The following DNAH10 variants were observed in gnomAD, a reference collection of about 807,000 sequenced individuals.
DNAH10 encodes the protein axonemal beta dynein heavy chain 10.
In DNAH10, 348 loss-of-function variants were observed where a neutral mutation model predicts 506.6. The ratio of observed to expected loss-of-function variants is 0.69; its 90% CI spans 0.63 to 0.75. The LOEUF is 0.75. Ranked by LOEUF, DNAH10 falls within the 30% of genes least tolerant of loss-of-function variation. DNAH10 has a pLI of 0.00. For missense variants in DNAH10, 5,179 were observed against 5,787.1 expected (o/e 0.89, Z 3.41); for synonymous variants, 2,059 against 2,198.6 (o/e 0.94, Z 1.78).
chr12:123,910,034 G>A (rs1953991773), intron 58 of DNAH10, among the ~76,000 whole-genome samples: 1 of 152,224 alleles, frequency 6.6e-6, no homozygotes, highest in Non-Finnish European at 1.5e-5. Context: ...TTAACGCTGT[G>A]TTTGATGGTT....
At chr12:123,772,312 A>G (rs1209623803) in intron 3 of DNAH10, among the ~76,000 whole-genome samples, 4 of 152,244 alleles carry the variant, frequency 2.6e-5, no homozygotes, top group Admixed American at 6.5e-5. Context: ...CCAAGGCTAC[A>G]GGTACACAAA....
At chr12:123,797,567 A>AT (rs1302564110) in intron 13 of DNAH10, among the ~76,000 whole-genome samples, 1 of 151,456 alleles carries the variant, frequency 6.6e-6, no homozygotes, top group South Asian at 2.1e-4. Context: ...CCATTTTTGT[A>AT]TTTTTTGTAG....
At position 123,926,250 on chromosome 12, in the gene DNAH10, A is replaced by G. The variant is rs1046058978; in HGVS notation, c.11922-387A>G. On this transcript the variant is annotated intron_variant, in intron 68 of 78. Transcript: ENST00000673944. This position sits in a 1 kb window ranked among gnomAD's most constrained non-coding sequence, Gnocchi z 4.1. ...TATATTTCAATTTAAAAAAAAAAAAAAAAAAGAAAAAGAAAAAACCCACAC... is the reference window on the plus strand; with the variant it reads ...TATATTTCAATTTAAAAAAAAAAAAGAAAAAGAAAAAGAAAAAACCCACAC... Among the ~76,000 whole-genome samples, 18 of 151,390 alleles carry G rather than the reference A, an allele frequency of 1.2e-4. No homozygotes were observed. Among genetic ancestry groups the G allele is most frequent in the African/African-American group, 1.5e-4 (6 of 41,276 alleles).
At chr12:123,889,283 G>A (rs1299485912) in intron 52 of DNAH10, among the ~76,000 whole-genome samples, 1 of 152,238 alleles carries the variant, frequency 6.6e-6, no homozygotes, top group East Asian at 1.9e-4. Context: ...TTCTTTTGAT[G>A]TAAAATTTAC....
intron 65 of DNAH10, 198 bp from the exon 66 acceptor site, chr12:123,923,565 A>G (rs2137603882): frequency 2.1e-6 from 1 of 485,292 alleles, no homozygotes; most frequent in East Asian, 3.6e-5. Context: ...GTCACTACAG[A>G]CTGGGGCATG....
chr12:123,856,462 G>A (rs551494783), intron 36 of DNAH10, among the ~76,000 whole-genome samples: 155 of 149,826 alleles, frequency 1.0e-3, no homozygotes, highest in African/African-American at 3.4e-3. Context: ...TCAGCCTCCC[G>A]AGTAGCTGGG....
intron 5 of DNAH10, among the ~76,000 whole-genome samples, chr12:123,776,820 C>T (rs1957458974): frequency 6.6e-6 from 1 of 152,114 alleles, no homozygotes; most frequent in South Asian, 2.1e-4. Flanking sequence ...TATTTCATAG[C>T]AATGAACAAC....
Position 123,935,540 on chromosome 12 carries a change from G to T in DNAH10, c.*59G>T. 1 of 1,486,342 alleles carries T rather than the reference G, an allele frequency of 6.7e-7. No individual in the cohort carries two copies. The highest frequency in any genetic ancestry group is 9.1e-7 in the Non-Finnish European group (1 of 1,093,540). The allele number at this position is 1,486,342 out of a possible 1,614,324, so 92.1% of individuals were successfully genotyped here. A position where few individuals can be genotyped will look rare whatever the true frequency, so the allele number is the denominator to read the frequency against. ...GAGCCTGGGGTTGTCAGAGTGATCGGGTCTGCTGTCATTTCTTGGGGCCTC... is the reference window on the plus strand; with the variant it reads ...GAGCCTGGGGTTGTCAGAGTGATCGTGTCTGCTGTCATTTCTTGGGGCCTC... On this transcript the variant is annotated 3_prime_UTR_variant, in exon 79 of 79. Transcript: ENST00000673944.
intron 13 of DNAH10, among the ~76,000 whole-genome samples, chr12:123,798,815 T>C (rs1432572178): frequency 6.7e-6 from 1 of 149,038 alleles, no homozygotes; most frequent in Non-Finnish European, 1.5e-5. Flanking sequence ...TATATAATTA[T>C]ATAAAAATGA....
chr12:123,784,755 T>A (rs1957787200), intron 8 of DNAH10, among the ~76,000 whole-genome samples: 1 of 152,196 alleles, frequency 6.6e-6, no homozygotes, highest in African/African-American at 2.4e-5. Context: ...TTACCCTAAG[T>A]CCCTGGTAAC....
Position 123,909,315 on chromosome 12 carries a change from C to G in DNAH10, c.9870C>G (p.Ile3290Met). 1 of 1,613,482 alleles carries G rather than the reference C, an allele frequency of 6.2e-7. No individual in the cohort carries two copies. Residue 3290 changes from isoleucine to methionine, a missense_variant, in exon 58 of 79, where the codon ATC becomes ATG. Transcript: ENST00000673944. This position sits in a 1 kb window ranked among gnomAD's most constrained non-coding sequence, Gnocchi z 5.4. Reference protein sequence around the residue: ...QVQTVCECILIMKGYKELNWK... With the variant: ...QVQTVCECILMMKGYKELNWK... ...AGACGGTCTGCGAATGCATCCTCATCATGAAAGGGTACAAAGAGCTGAACT... is the reference window on the plus strand; with the variant it reads ...AGACGGTCTGCGAATGCATCCTCATGATGAAAGGGTACAAAGAGCTGAACT...
intron 9 of DNAH10, among the ~76,000 whole-genome samples, chr12:123,786,199 C>G (rs1957844136): frequency 6.6e-6 from 1 of 151,814 alleles, no homozygotes; most frequent in Non-Finnish European, 1.5e-5. Context: ...GGGCTGTAAT[C>G]CCAGCTTCAT....
chr12:123,855,202 A>T (rs977951104), intron 36 of DNAH10, among the ~76,000 whole-genome samples: 2 of 152,200 alleles, frequency 1.3e-5, no homozygotes, highest in Admixed American at 6.5e-5. Context: ...TAATGGGTAG[A>T]GAAGACATAC....
At chr12:123,792,633 T>C (rs1001262085) in intron 11 of DNAH10, among the ~76,000 whole-genome samples, 1 of 152,098 alleles carries the variant, frequency 6.6e-6, no homozygotes, top group African/African-American at 2.4e-5. Flanking sequence ...CTAATTTTTG[T>C]GTTTTTTAGT....
intron 13 of DNAH10, among the ~76,000 whole-genome samples, chr12:123,797,881 A>G (rs982182844): frequency 5.3e-5 from 8 of 152,222 alleles, no homozygotes; most frequent in Non-Finnish European, 8.8e-5. Flanking sequence ...CATTTCTTTG[A>G]AGATCCCGAT....
chr12:123,819,219 C>T lies in DNAH10; in HGVS notation c.3969C>T (p.Gly1323=), dbSNP rs1959197243. The part of the protein sequence containing the change: ...EEFAKRFYSE[G]PGSVGDDLDK... ...TTGCAAAGCGTTTTTACAGTGAAGG[C>T]CCTGGTTCTGTTGGTGATGATCTTG... Residue 1323 remains glycine, a synonymous_variant, in exon 23 of 79, where the codon GGC becomes GGT. Transcript: ENST00000673944. 1 of 1,613,212 alleles carries T rather than the reference C, an allele frequency of 6.2e-7. No individual in the cohort carries two copies.
rs756299219 is a variant in DNAH10 at position 123,871,567 on chromosome 12, C to G, written c.7750C>G (p.Gln2584Glu). The G allele has an allele frequency of 1.3e-6, 2 of 1,551,490 alleles. No homozygotes were observed. The highest frequency in any genetic ancestry group is 1.7e-6 in the Non-Finnish European group (2 of 1,147,112). Residue 2584 changes from glutamine to glutamate, a missense_variant, in exon 45 of 79, where the codon CAG (glutamine) becomes GAG (glutamate). By Grantham distance (29) the Gln-to-Glu change is conservative. This residue lies in a region of DNAH10 where 4,844 missense variants were observed against 5,430.5 expected (regional missense o/e 0.89). Transcript: ENST00000673944. ...TGGCACTTCTAAGACAGCCACTACCCAGAATTTCCTCAAAAATCTGAGTGA... is the reference window on the plus strand; with the variant it reads ...TGGCACTTCTAAGACAGCCACTACCGAGAATTTCCTCAAAAATCTGAGTGA... ...ESGTSKTATTQNFLKNLSEET... is the reference protein window; with the variant it reads ...ESGTSKTATTENFLKNLSEET...
chr12:123,903,262 C>T lies in DNAH10; in HGVS notation c.9815+149C>T, dbSNP rs1953614357. 1 of 1,161,874 alleles carries T rather than the reference C, an allele frequency of 8.6e-7. No individual in the cohort carries two copies. The highest frequency in any genetic ancestry group is 1.6e-5 in the African/African-American group (1 of 63,436). The allele number at this position is 1,161,874 out of a possible 1,614,324, so 72.0% of individuals were successfully genotyped here. ...CTCTCCATGGTGGAGACTGTTGTTG[C>T]CCTCATTTTCGGATGGGGAAAATGA... On this transcript the variant is annotated intron_variant, in intron 57 of 78. Coordinates refer to ENST00000673944, the MANE Select transcript of DNAH10 (RefSeq NM_001372106.1). This position sits in a 1 kb window ranked among gnomAD's most constrained non-coding sequence, Gnocchi z 4.6.
chr12:123,831,859 C>T (rs1462242962), intron 26 of DNAH10, among the ~76,000 whole-genome samples: 1 of 150,574 alleles, frequency 6.6e-6, no homozygotes, highest in Non-Finnish European at 1.5e-5. Flanking sequence ...GAGCCGAGAT[C>T]GCACCACTGC....
Sources: gnomAD v4.1 joint callset for allele counts (sites outside exome capture counted in the v4.1 genomes callset) on GRCh38, gnomAD v4.1.1 for gene constraint, gnomAD v4.1.1 regional missense constraint, Gnocchi (gnomAD v3.1) non-coding constraint, MANE v1.5 for transcripts, NCBI Gene and HGNC (gene_info 2026-07-23, HGNC 2026-07-21) for gene names.